The following IGFBP5 variants were observed in gnomAD, a reference collection of about 807,000 sequenced individuals.
The protein encoded by IGFBP5 is insulin-like growth factor-binding protein 5.
IGFBP5 carries 12 observed loss-of-function variants against 28.0 expected under a neutral mutation model. That is an observed-to-expected ratio of 0.43 (90% CI 0.27 to 0.69). The LOEUF is 0.69. IGFBP5 is among the 30% of genes least tolerant of loss of function. IGFBP5 has a pLI of 0.20. For missense variants in IGFBP5, 344 were observed against 381.6 expected (o/e 0.90, Z 0.82); for synonymous variants, 152 against 150.2 (o/e 1.01, Z -0.09).
chr2:216,681,567 C>T lies in IGFBP5; in HGVS notation c.338-2488G>A, dbSNP rs79216960. ...GGTGTAGCAGTTCCTGGAATCCTTTCCGTAGGCCATTTAGTCCATCCCCCT... is the reference window on the plus strand; with the variant it reads ...GGTGTAGCAGTTCCTGGAATCCTTTTCGTAGGCCATTTAGTCCATCCCCCT... On this transcript the variant is annotated intron_variant, in intron 1 of 3. Coordinates refer to ENST00000233813, the MANE Select transcript of IGFBP5 (RefSeq NM_000599.4). Among the ~76,000 whole-genome samples, 1,253 of 152,204 alleles carry T rather than the reference C, an allele frequency of 8.2e-3. 11 individuals are homozygous for T. The highest frequency in any genetic ancestry group is 0.012 in the Non-Finnish European group (791 of 68,024).
rs1688889829 is a variant in IGFBP5 at position 216,675,758 on chromosome 2, T to C, written c.*993A>G. ...GAAAGAAAAAAACAAAGAAAAAGAA[T>C]AGATTTATATGCCTATATATGACTA... On this transcript the variant is annotated 3_prime_UTR_variant, in exon 4 of 4. Transcript: ENST00000233813. 6.6e-6 allele frequency: 1 copy of C among 151,836 alleles called. No individual in the cohort carries two copies. Among genetic ancestry groups the C allele is most frequent in the Non-Finnish European group, 1.5e-5 (1 of 67,966 alleles). The allele number at this position is 151,836 out of a possible 1,614,324, so 9.4% of individuals were successfully genotyped here.
Position 216,692,208 on chromosome 2 carries a change from ACCTGCCTTC to A in IGFBP5, c.337+2222_337+2230del, listed in dbSNP as rs1299040551. Among the ~76,000 whole-genome samples the A allele has an allele frequency of 6.6e-6, 1 of 152,118 alleles. No individual in the cohort carries two copies. Among genetic ancestry groups the A allele is most frequent in the Non-Finnish European group, 1.5e-5 (1 of 68,010 alleles). On this transcript the variant is annotated intron_variant, in intron 1 of 3. Coordinates refer to ENST00000233813, the MANE Select transcript of IGFBP5 (RefSeq NM_000599.4). This position sits in a 1 kb window ranked among gnomAD's most constrained non-coding sequence, Gnocchi z 4.2. The stretch of plus-strand genomic sequence containing the variant: ...AACCCGCAACAGCAGCCGGCCGGGC[ACCTGCCTTC>A]GGCGGGGTGGAGTCGGAGAGGAGTG...
chr2:216,693,292 G>A (rs1300024474), intron 1 of IGFBP5, among the ~76,000 whole-genome samples: 2 of 152,038 alleles, frequency 1.3e-5, no homozygotes, highest in Non-Finnish European at 1.5e-5. Context: ...TTTGGGGGCG[G>A]CGCAACCCGG....
In IGFBP5 at chr2:216,695,005, G is replaced by T. The variant is rs1460592972; in HGVS notation, c.-230C>A. 3 of 376,812 alleles carry T rather than the reference G, an allele frequency of 8.0e-6. No homozygotes were observed. The highest frequency in any genetic ancestry group is 1.4e-5 in the Non-Finnish European group (3 of 212,452). The allele number at this position is 376,812 out of a possible 1,614,324, so 23.3% of individuals were successfully genotyped here. A position where few individuals can be genotyped will look rare whatever the true frequency, so the allele number is the denominator to read the frequency against. On this transcript the variant is annotated 5_prime_UTR_variant, in exon 1 of 4. Coordinates refer to ENST00000233813, the MANE Select transcript of IGFBP5 (RefSeq NM_000599.4). ...TGCAAGAATTAAAGCCTTGCAACAG[G>T]TTGGGGGAAGCAGGGCAGCGCCAGG...
rs73989582 is a variant in IGFBP5 at position 216,673,587 on chromosome 2, A to G, written c.*3164T>C. Reference sequence around the variant, plus strand: ...GGGAAGACCTTCTGTGGGTGTGAGCATGGGAGTGGGCAGCACTTAGATTCG... The same window carrying G: ...GGGAAGACCTTCTGTGGGTGTGAGCGTGGGAGTGGGCAGCACTTAGATTCG... On this transcript the variant is annotated 3_prime_UTR_variant, in exon 4 of 4. Transcript: ENST00000233813. This position sits in a 1 kb window ranked among gnomAD's most constrained non-coding sequence, Gnocchi z 4.3. 16,972 of 152,446 alleles carry G rather than the reference A, an allele frequency of 0.11. 1,859 individuals carry two copies. The highest frequency in any genetic ancestry group is 0.29 in the African/African-American group (11,859 of 41,494). 9.4% of individuals were successfully genotyped at this position (152,446 alleles called of 1,614,324 possible).
rs571906390 is a variant in IGFBP5 at position 216,682,623 on chromosome 2, C to A, written c.338-3544G>T. ...TCTGCTCTGGAACCTGTTTGACAAA[C>A]AGGTCAATATCTCCATGTGGCCAGC... On this transcript the variant is annotated intron_variant, in intron 1 of 3. Coordinates refer to ENST00000233813, the MANE Select transcript of IGFBP5 (RefSeq NM_000599.4). 1.8e-4 allele frequency among the ~76,000 whole-genome samples: 28 copies of A among 152,200 alleles called. No individual in the cohort carries two copies. In the South Asian group the frequency reaches 5.0e-3, roughly 27 times the overall value.
intron 1 of IGFBP5, among the ~76,000 whole-genome samples, chr2:216,680,129 T>C (rs1688955326): frequency 6.6e-6 from 1 of 152,060 alleles, no homozygotes; most frequent in Admixed American, 6.6e-5. Context: ...GATTGTTGTT[T>C]CCAGGCGGGC....
At chr2:216,690,611 C>T (rs1471787892) in intron 1 of IGFBP5, among the ~76,000 whole-genome samples, 1 of 152,022 alleles carries the variant, frequency 6.6e-6, no homozygotes, top group Non-Finnish European at 1.5e-5. Context: ...GGCTGGTCCA[C>T]CCTCTGCAGC....
intron 1 of IGFBP5, among the ~76,000 whole-genome samples, chr2:216,683,057 A>G (rs943937182): frequency 6.6e-6 from 1 of 152,072 alleles, no homozygotes; most frequent in Non-Finnish European, 1.5e-5. Flanking sequence ...GGTGGCTCAT[A>G]TCTCTAATCC....
chr2:216,686,727 CA>C (rs1223778454), intron 1 of IGFBP5, among the ~76,000 whole-genome samples: 1 of 138,288 alleles, frequency 7.2e-6, no homozygotes, highest in Admixed American at 7.5e-5. Flanking sequence ...AGTGCAGTGG[CA>C]TGATCTTGGC....
In IGFBP5 at chr2:216,694,515, C is replaced by T. The variant is rs777875590; in HGVS notation, c.261G>A (p.Glu87=). ...CGTGCAGCAGGGCGTGCAGCGGCTT[C>T]TCCTCGTCCTGCCGGGGGAGGCAGC... ...GLRCLPRQDE[E]KPLHALLHGR... The change falls in exon 1 of 4, where the codon GAG becomes GAA. Residue 87 remains glutamate (E), a synonymous_variant. Coordinates refer to ENST00000233813, the MANE Select transcript of IGFBP5 (RefSeq NM_000599.4). This position sits in a 1 kb window ranked among gnomAD's most constrained non-coding sequence, Gnocchi z 5.2. 4.4e-6 allele frequency: 7 copies of T among 1,587,374 alleles called. No homozygotes were observed. The African/African-American group carries it at 9.4e-5, about 21-fold the overall frequency.
rs911406925 is a variant in IGFBP5, at chr2:216,694,111, G to C, written c.337+328C>G. Among the ~76,000 whole-genome samples the C allele has an allele frequency of 4.6e-5, 7 of 151,954 alleles. No individual in the cohort carries two copies. Among genetic ancestry groups the C allele is most frequent in the African/African-American group, 1.7e-4 (7 of 41,340 alleles). On this transcript the variant is annotated intron_variant, in intron 1 of 3. Transcript: ENST00000233813. The surrounding 1 kb of genome is among the most constrained non-coding windows in gnomAD (Gnocchi z 5.2). Reference sequence around the variant, plus strand: ...TGATAATGTAACATACACTCTTTCAGACTGTAGATAGGGTACCAGGGGATT... The same window carrying C: ...TGATAATGTAACATACACTCTTTCACACTGTAGATAGGGTACCAGGGGATT...
rs1017308607 is a variant in IGFBP5 at position 216,681,209 on chromosome 2, A to G, written c.338-2130T>C. Reference sequence around the variant, plus strand: ...ACAGAAGGGCTTTTGGGCACGTCTTATGGAGGGACTGGAGCCGTGCCACTC... The same window carrying G: ...ACAGAAGGGCTTTTGGGCACGTCTTGTGGAGGGACTGGAGCCGTGCCACTC... On this transcript the variant is annotated intron_variant, in intron 1 of 3. Coordinates refer to ENST00000233813, the MANE Select transcript of IGFBP5 (RefSeq NM_000599.4). Among the ~76,000 whole-genome samples the G allele has an allele frequency of 3.9e-5, 6 of 152,170 alleles. No individual in the cohort carries two copies. In the South Asian group the frequency reaches 1.2e-3, roughly 32 times the overall value.
At chr2:216,693,028 T>A (rs1689119284) in intron 1 of IGFBP5, among the ~76,000 whole-genome samples, 1 of 152,196 alleles carries the variant, frequency 6.6e-6, no homozygotes, top group Non-Finnish European at 1.5e-5. Flanking sequence ...CCCCCGTAAC[T>A]AAACTGTCTC....
At chr2:216,686,874 C>T (rs1426320985) in intron 1 of IGFBP5, among the ~76,000 whole-genome samples, 7 of 151,880 alleles carry the variant, frequency 4.6e-5, no homozygotes, top group South Asian at 2.1e-4. Flanking sequence ...ACCTCAGCCT[C>T]CCAAAGACCT....
intron 1 of IGFBP5, among the ~76,000 whole-genome samples, chr2:216,689,452 G>A (rs1689068479): frequency 6.6e-6 from 1 of 152,218 alleles, no homozygotes. Context: ...CCACTTTGGG[G>A]CCGCTTCACT....
chr2:216,693,873 G>A (rs1689132930), intron 1 of IGFBP5, among the ~76,000 whole-genome samples: 1 of 152,092 alleles, frequency 6.6e-6, no homozygotes, highest in Non-Finnish European at 1.5e-5. Flanking sequence ...AGGATGTGGG[G>A]TGTTTGTGGT....
In IGFBP5 at chr2:216,684,875, T is replaced by C. The variant is rs963558784; in HGVS notation, c.338-5796A>G. On this transcript the variant is annotated intron_variant, in intron 1 of 3. Transcript: ENST00000233813. ...TCCATGCTCCTGCCCTGGAGCAAGA[T>C]AACCCTGCCGCAGGGCACAGGGAAG... Among the ~76,000 whole-genome samples, 17 of 152,206 alleles carry C rather than the reference T, an allele frequency of 1.1e-4. 1 individual carries two copies. The highest frequency in any genetic ancestry group is 2.1e-4 in the Non-Finnish European group (14 of 68,038).
intron 1 of IGFBP5, among the ~76,000 whole-genome samples, chr2:216,691,247 AT>A (rs1201864574): frequency 6.6e-6 from 1 of 152,082 alleles, no homozygotes; most frequent in African/African-American, 2.4e-5. Context: ...CCAGAAGCCT[AT>A]TTTTTGTCCC....
Sources: gnomAD v4.1 joint callset for allele counts (sites outside exome capture counted in the v4.1 genomes callset) on GRCh38, gnomAD v4.1.1 for gene constraint, Gnocchi (gnomAD v3.1) non-coding constraint, MANE v1.5 for transcripts, NCBI Gene and HGNC (gene_info 2026-07-23, HGNC 2026-07-21) for gene names.